Variants in PDLIM1 observed in about 807,000 individuals in gnomAD.
PDLIM1 encodes the protein PDZ and LIM domain protein 1.
A neutral mutation model predicts 35.2 loss-of-function variants in PDLIM1; 25 were observed. The ratio of observed to expected loss-of-function variants is 0.71; its 90% CI spans 0.52 to 0.99. The LOEUF (loss-of-function observed/expected upper bound fraction) is 0.99. Among genes scored for constraint, PDLIM1 ranks in the 50% least tolerant of loss-of-function variants. PDLIM1 has a pLI of 0.00. For missense variants in PDLIM1, 363 were observed against 415.3 expected, an observed-to-expected ratio of 0.87 and a Z score of 1.09; for synonymous variants, 152 against 154.0, an observed-to-expected ratio of 0.99 and a Z score of 0.10.
intron 1 of PDLIM1, among the ~76,000 whole-genome samples, chr10:95,278,146 T>G (rs927028595): frequency 6.6e-6 from 1 of 152,224 alleles, no homozygotes; most frequent in Non-Finnish European, 1.5e-5. Context: ...CAGTGTAACT[T>G]GTTCATTAAG....
Position 95,238,597 on chromosome 10 carries a change from A to T in PDLIM1, c.774T>A (p.Pro258=), listed in dbSNP as rs1315643838. 6 of 1,612,704 alleles carry T rather than the reference A, an allele frequency of 3.7e-6. No individual in the cohort carries two copies. The highest frequency in any genetic ancestry group is 3.3e-5 in the Admixed American group (2 of 60,006). The change falls in exon 6 of 7, where the codon CCT becomes CCA. Residue 258 remains proline (P), a synonymous_variant. Transcript: ENST00000329399. ...AASIGNAQKL[P]MCDKCGTGIV... is the part of the protein sequence containing the mutation. ...TCCCAGTGCCACATTTGTCACACAT[A>T]GGCAACTTCTGAGCATTTCCAATCG...
At chr10:95,277,049 AC>A (rs1241357358) in intron 1 of PDLIM1, among the ~76,000 whole-genome samples, 1 of 151,848 alleles carries the variant, frequency 6.6e-6, no homozygotes, top group African/African-American at 2.4e-5. Flanking sequence ...CCCTGTCTCT[AC>A]AAAATACAAA....
chr10:95,260,990 C>T (rs2035357122), intron 4 of PDLIM1, among the ~76,000 whole-genome samples: 1 of 152,212 alleles, frequency 6.6e-6, no homozygotes, highest in Non-Finnish European at 1.5e-5. Flanking sequence ...GGTTTTCCCA[C>T]TGTTTCTGGG....
At chr10:95,270,330 A>C (rs911293374) in intron 2 of PDLIM1, among the ~76,000 whole-genome samples, 7 of 152,034 alleles carry the variant, frequency 4.6e-5, no homozygotes, top group Admixed American at 3.3e-4. Flanking sequence ...GTCCTGTGCC[A>C]CAAAGCAAAA....
intron 4 of PDLIM1, among the ~76,000 whole-genome samples, chr10:95,262,934 G>C (rs530443076): frequency 6.6e-6 from 1 of 152,174 alleles, no homozygotes; most frequent in East Asian, 1.9e-4. Context: ...CTTGGGCCCA[G>C]GAGTTCGAGA....
intron 1 of PDLIM1, among the ~76,000 whole-genome samples, chr10:95,284,119 A>G (rs950502052): frequency 6.6e-6 from 1 of 151,964 alleles, no homozygotes; most frequent in Non-Finnish European, 1.5e-5. Flanking sequence ...TATTGCTGTT[A>G]GACATGTGAA....
intron 4 of PDLIM1, among the ~76,000 whole-genome samples, chr10:95,257,486 T>A (rs190094598): frequency 5.7e-4 from 87 of 151,686 alleles, no homozygotes; most frequent in Admixed American, 1.1e-3. Flanking sequence ...AATAGCTCGA[T>A]TAAAAAATGA....
At chr10:95,244,008 A>G (rs2035198766) in intron 5 of PDLIM1, among the ~76,000 whole-genome samples, 1 of 152,160 alleles carries the variant, frequency 6.6e-6, no homozygotes. Context: ...AAAATAAAAG[A>G]GTTCTATGGA....
intron 5 of PDLIM1, among the ~76,000 whole-genome samples, chr10:95,246,800 T>C (rs1479878767): frequency 6.6e-6 from 1 of 152,174 alleles, no homozygotes; most frequent in Non-Finnish European, 1.5e-5. Flanking sequence ...CACCGAGCAC[T>C]AATTCATTCT....
chr10:95,288,863 G>T (rs911017660), intron 1 of PDLIM1, among the ~76,000 whole-genome samples: 1 of 152,218 alleles, frequency 6.6e-6, no homozygotes, highest in Non-Finnish European at 1.5e-5. Flanking sequence ...TGAACACCTT[G>T]AGAATGGAGC....
intron 1 of PDLIM1, among the ~76,000 whole-genome samples, chr10:95,273,837 T>A: frequency 6.6e-6 from 1 of 152,176 alleles, no homozygotes; most frequent in East Asian, 1.9e-4. Context: ...TGACCTGTTG[T>A]CCTGAGAAGA....
chr10:95,285,425 A>G (rs2035594586), intron 1 of PDLIM1, among the ~76,000 whole-genome samples: 1 of 152,134 alleles, frequency 6.6e-6, no homozygotes, highest in Admixed American at 6.5e-5. Flanking sequence ...CACTGTTAGC[A>G]ATGAAATATT....
chr10:95,280,181 G>A (rs1300166059), intron 1 of PDLIM1, among the ~76,000 whole-genome samples: 2 of 152,156 alleles, frequency 1.3e-5, no homozygotes, highest in Admixed American at 1.3e-4. Flanking sequence ...TTCAAGACCA[G>A]CCTGGCCAAC....
chr10:95,269,571 C>CAAAAA (rs11443591), intron 2 of PDLIM1, among the ~76,000 whole-genome samples: 2 of 130,350 alleles, frequency 1.5e-5, no homozygotes, highest in African/African-American at 5.9e-5. Flanking sequence ...GACTCCATCC[C>CAAAAA]AAAAAAAAAA....
At chr10:95,253,043 G>A (rs1361416940) in intron 4 of PDLIM1, among the ~76,000 whole-genome samples, 2 of 151,860 alleles carry the variant, frequency 1.3e-5, no homozygotes, top group Admixed American at 6.6e-5. Flanking sequence ...CAGGAAACAG[G>A]ATAAACCTAA....
At chr10:95,259,864 T>C (rs904572007) in intron 4 of PDLIM1, among the ~76,000 whole-genome samples, 43 of 152,174 alleles carry the variant, frequency 2.8e-4, no homozygotes, top group African/African-American at 9.9e-4. Flanking sequence ...CCTAGTATGT[T>C]GGTTACAGGA....
At chr10:95,256,990 G>GAAAAGAAAGAAAAGAAAAGAAAAGA (rs372697818) in intron 4 of PDLIM1, among the ~76,000 whole-genome samples, 9 of 90,512 alleles carry the variant, frequency 9.9e-5, no homozygotes, top group African/African-American at 2.8e-4. Context: ...AAAAAAAAAA[G>GAAAAGAAAGAAAAGAAAAGAAAAGA]AAAGAAAGAA....
chr10:95,283,981 CTGTGTG>C (rs3979535), intron 1 of PDLIM1, among the ~76,000 whole-genome samples: 27,571 of 150,252 alleles, frequency 0.18, 2,592 homozygotes, highest in South Asian at 0.24. Flanking sequence ...GCCTTTTTCT[CTGTGTG>C]TGTGTGTGTG....
intron 2 of PDLIM1, 46 bp from the exon 3 acceptor site, chr10:95,268,908 T>C: frequency 7.4e-7 from 1 of 1,347,072 alleles, no homozygotes; most frequent in Admixed American, 1.7e-5. Flanking sequence ...GTAAAATAAA[T>C]AATATATACC....
Sources: allele counts gnomAD v4.1 joint callset (sites outside exome capture counted in the v4.1 genomes callset), GRCh38; gene constraint gnomAD v4.1.1; transcripts MANE v1.5; gene names NCBI Gene and HGNC (gene_info 2026-07-23, HGNC 2026-07-21).